Variants in AKAP13 observed in about 807,000 individuals in gnomAD.
The protein encoded by AKAP13 is A-kinase anchor protein 13.
In AKAP13, 80 loss-of-function variants were observed where a neutral mutation model predicts 264.5. That is an observed-to-expected ratio of 0.30 (90% CI 0.25 to 0.36). AKAP13 has a LOEUF of 0.36. Ranked by LOEUF, AKAP13 falls within the 10% of genes least tolerant of loss-of-function variation. The pLI, the probability that AKAP13 is intolerant of heterozygous loss-of-function variation, is 1.00. For missense variants in AKAP13, 3,712 were observed against 3,435.2 expected (o/e 1.08, Z -2.01); for synonymous variants, 1,380 against 1,250.2 (o/e 1.10, Z -2.19).
At chr15:85,662,547 A>T in intron 12 of AKAP13, 1 of 1,391,200 alleles carries the variant, frequency 7.2e-7, no homozygotes. Flanking sequence ...TGTGGCTGGG[A>T]TGCATATGGG....
At chr15:85,561,051 A>ATTTTTT (rs11311086) in intron 5 of AKAP13, among the ~76,000 whole-genome samples, 2 of 109,494 alleles carry the variant, frequency 1.8e-5, no homozygotes, top group East Asian at 5.5e-4. Context: ...GGATGTAAGG[A>ATTTTTT]TTTTTTTTTT....
rs75830418 is a variant in AKAP13, at chr15:85,584,443, A to G, written c.4040-1259A>G. On this transcript the variant is annotated intron_variant, in intron 7 of 36. Transcript: ENST00000394518. Reference sequence around the variant, plus strand: ...AAAAATCACATCCCCAGAGGAAAGCAACCCTCTTTCCCCCCAGAAATTACT... The same window carrying G: ...AAAAATCACATCCCCAGAGGAAAGCGACCCTCTTTCCCCCCAGAAATTACT... 7.9e-3 allele frequency among the ~76,000 whole-genome samples: 1,206 copies of G among 152,260 alleles called. 15 individuals are homozygous for G. Among genetic ancestry groups the G allele is most frequent in the African/African-American group, 0.027 (1,130 of 41,560 alleles).
At chr15:85,601,975 A>T (rs1385099570) in intron 8 of AKAP13, among the ~76,000 whole-genome samples, 1 of 152,076 alleles carries the variant, frequency 6.6e-6, no homozygotes, top group Non-Finnish European at 1.5e-5. Flanking sequence ...TTGGATTCTT[A>T]CATCTTTCAT....
At chr15:85,662,381 TC>T (rs1567181343) in intron 12 of AKAP13, 4 of 1,614,150 alleles carry the variant, frequency 2.5e-6, no homozygotes, top group Non-Finnish European at 2.5e-6. Flanking sequence ...TTTGATGTCA[TC>T]CCCAGTATGA....
chr15:85,422,110 G>A (rs1471134743), intron 1 of AKAP13, among the ~76,000 whole-genome samples: 1 of 152,146 alleles, frequency 6.6e-6, no homozygotes, highest in Non-Finnish European at 1.5e-5. Context: ...AGAGTCATTT[G>A]AATAATTACC....
At chr15:85,599,231 A>T (rs540668034) in intron 8 of AKAP13, among the ~76,000 whole-genome samples, 89 of 152,352 alleles carry the variant, frequency 5.8e-4, no homozygotes, top group African/African-American at 8.7e-4. Context: ...ACTTTCCTGC[A>T]GTGGCTGTTG....
chr15:85,541,588 T>TTTTG (rs755128251), intron 4 of AKAP13, among the ~76,000 whole-genome samples: 3 of 152,194 alleles, frequency 2.0e-5, no homozygotes, highest in Non-Finnish European at 2.9e-5. Flanking sequence ...GGAAAAGGTT[T>TTTTG]TTTGTTTGTT....
In AKAP13 at chr15:85,574,269, G is replaced by T. The variant is rs554187448; in HGVS notation, c.663-862G>T. On this transcript the variant is annotated intron_variant, in intron 5 of 36. Coordinates refer to ENST00000394518, the MANE Select transcript of AKAP13 (RefSeq NM_007200.5). ...ATTGTGTGCCTCATCCCTGTTTATTGTATGCCCCAAGATTCTTTCATCTGC... is the reference window on the plus strand; with the variant it reads ...ATTGTGTGCCTCATCCCTGTTTATTTTATGCCCCAAGATTCTTTCATCTGC... 3.9e-5 allele frequency among the ~76,000 whole-genome samples: 6 copies of T among 152,306 alleles called. No homozygotes were observed. In the South Asian group the frequency reaches 1.2e-3, roughly 32 times the overall value.
chr15:85,640,129 A>G lies in AKAP13; in HGVS notation c.4237+680A>G, dbSNP rs533624405. 8.5e-5 allele frequency among the ~76,000 whole-genome samples: 13 copies of G among 152,322 alleles called. No individual in the cohort carries two copies. The South Asian group carries it at 2.5e-3, about 29-fold the overall frequency. On this transcript the variant is annotated intron_variant, in intron 9 of 36. Coordinates refer to ENST00000394518, the MANE Select transcript of AKAP13 (RefSeq NM_007200.5). ...CCTCTAACTCTGTGTGATGTAAAGT[A>G]TGTTCCCTAATGTCTGTGTGCTCCG...
chr15:85,645,781 T>G (rs765107195), intron 9 of AKAP13, 37 bp from the exon 10 acceptor site: 3 of 1,541,746 alleles, frequency 1.9e-6, no homozygotes, highest in South Asian at 2.4e-5. Flanking sequence ...TTTTGTTTTT[T>G]TTTTTTCAAT....
intron 17 of AKAP13, among the ~76,000 whole-genome samples, chr15:85,694,619 T>G (rs1317232101): frequency 6.6e-6 from 1 of 152,256 alleles, no homozygotes; most frequent in Non-Finnish European, 1.5e-5. Context: ...GACCATAATT[T>G]GCACGTTTTT....
chr15:85,420,135 GT>G (rs1210845039), intron 1 of AKAP13, among the ~76,000 whole-genome samples: 2 of 150,896 alleles, frequency 1.3e-5, no homozygotes, highest in African/African-American at 4.9e-5. Context: ...TAGAGACGGG[GT>G]TTCACCGCTT....
chr15:85,662,603 G>A (rs2083407443), intron 12 of AKAP13: 1 of 848,070 alleles, frequency 1.2e-6, no homozygotes, highest in Admixed American at 2.0e-5. Flanking sequence ...CCTTTGCTAT[G>A]GGTGTCACTA....
chr15:85,424,293 A>G (rs2072663520), intron 1 of AKAP13, among the ~76,000 whole-genome samples: 1 of 152,184 alleles, frequency 6.6e-6, no homozygotes, highest in South Asian at 2.1e-4. Context: ...AGCTACTTTC[A>G]TCATTTGTCT....
chr15:85,706,764 C>G (rs12441583), intron 17 of AKAP13, among the ~76,000 whole-genome samples: 9,481 of 152,252 alleles, frequency 0.062, 420 homozygotes, highest in Admixed American at 0.16. Context: ...TGAATGGTCC[C>G]TGCCCCAGAG....
chr15:85,529,562 A>T (rs2077184754), intron 3 of AKAP13, among the ~76,000 whole-genome samples: 1 of 152,186 alleles, frequency 6.6e-6, no homozygotes, highest in South Asian at 2.1e-4. Flanking sequence ...CGCGGTGTAA[A>T]ATTATTGAGT....
At chr15:85,499,584 TATGTAA>T (rs1215487018) in intron 2 of AKAP13, among the ~76,000 whole-genome samples, 1 of 152,192 alleles carries the variant, frequency 6.6e-6, no homozygotes, top group Admixed American at 6.6e-5. Context: ...ATTCCAACTC[TATGTAA>T]GCTAGCCTTC....
At chr15:85,511,292 G>C (rs4291869) in intron 2 of AKAP13, among the ~76,000 whole-genome samples, 1 of 151,844 alleles carries the variant, frequency 6.6e-6, no homozygotes, top group African/African-American at 2.4e-5. Flanking sequence ...TGGAACACCA[G>C]CGTCTAGTCA....
intron 9 of AKAP13, among the ~76,000 whole-genome samples, chr15:85,641,478 A>G (rs1170772655): frequency 7.0e-6 from 1 of 142,430 alleles, no homozygotes; most frequent in Admixed American, 7.0e-5. Context: ...ATAAATAAAT[A>G]AATAAATAAA....
Sources: allele counts gnomAD v4.1 joint callset (sites outside exome capture counted in the v4.1 genomes callset), GRCh38; gene constraint gnomAD v4.1.1; transcripts MANE v1.5; gene names NCBI Gene and HGNC (gene_info 2026-07-23, HGNC 2026-07-21).